Variants in E4F1 observed in about 807,000 individuals in gnomAD.
E4F1 encodes the protein transcription factor E4F1.
A neutral mutation model predicts 72.9 loss-of-function variants in E4F1; 30 were observed. The ratio of observed to expected loss-of-function variants is 0.41; its 90% CI spans 0.31 to 0.56. The LOEUF (loss-of-function observed/expected upper bound fraction) is 0.56, where lower values mean the gene tolerates loss of function less well. E4F1 is among the 20% of genes least tolerant of loss of function. The pLI, the probability that E4F1 is intolerant of heterozygous loss-of-function variation, is 0.25. For synonymous variants in E4F1, 542 were observed against 478.2 expected, an observed-to-expected ratio of 1.13 and a Z score of -1.74; for missense variants, 1,091 against 1,117.5, an observed-to-expected ratio of 0.98 and a Z score of 0.34.
chr16:2,235,126 G>A lies in E4F1; in HGVS notation c.1981G>A (p.Glu661Lys), dbSNP rs540780876. The A allele has an allele frequency of 6.8e-6, 11 of 1,612,238 alleles. No individual in the cohort carries two copies. The South Asian group carries it at 7.7e-5, about 11-fold the overall frequency. ...GACCAGTGAGGCCACGGAGATCATC[G>A]AGGGCACCCAGACAGAGGTGAGGGG... is the stretch of plus-strand genomic sequence containing the variant. ...AETSEATEIIEGTQTEVDSHI... is the reference protein window; with the variant it reads ...AETSEATEIIKGTQTEVDSHI... The change falls in exon 13 of 14, where the codon GAG becomes AAG. Residue 661 changes from glutamate (E) to lysine (K), a missense_variant. This residue lies in a region of E4F1 where 622 missense variants were observed against 628.0 expected (regional missense o/e 0.99). Transcript: ENST00000301727.
rs767493337 is a variant in E4F1 at position 2,233,988 on chromosome 16, C to T, written c.1373C>T (p.Thr458Ile). ...CTGGAGGCCCACAAGAGGGGCCACA[C>T]CGGTAGGTGATGGGTGGGTGTGTGG... ...ATLEAHKRGH[T>I]GPRPFACAQC... is the part of the protein sequence containing the mutation. The change falls in exon 9 of 14, where the codon ACC becomes ATC. Residue 458 changes from threonine (T) to isoleucine (I), a missense_variant and splice_region_variant. Transcript: ENST00000301727. The T allele has an allele frequency of 4.5e-5, 71 of 1,587,792 alleles. No individual in the cohort carries two copies. Among genetic ancestry groups the T allele is most frequent in the Non-Finnish European group, 6.0e-5 (70 of 1,167,122 alleles).
chr16:2,228,789 G>T (rs1334019475), intron 2 of E4F1, among the ~76,000 whole-genome samples: 1 of 152,216 alleles, frequency 6.6e-6, no homozygotes, highest in South Asian at 2.1e-4. Flanking sequence ...TTCTTTCTTG[G>T]AGCTGGAGGG....
intron 3 of E4F1, chr16:2,230,373 T>C: frequency 6.7e-6 from 1 of 150,270 alleles, no homozygotes; most frequent in Non-Finnish European, 1.5e-5. Context: ...AGCCAGGGCC[T>C]GGGCAGGTTG....
chr16:2,234,554 C>T, intron 10 of E4F1, 29 bp from the exon 11 acceptor site: 1 of 1,560,906 alleles, frequency 6.4e-7, no homozygotes, highest in Non-Finnish European at 8.7e-7. Context: ...TGGCCAAGGC[C>T]AGGCTGGCAC....
intron 9 of E4F1, 57 bp from the exon 10 acceptor site, chr16:2,234,114 G>A: frequency 6.3e-7 from 1 of 1,588,698 alleles, no homozygotes; most frequent in African/African-American, 1.3e-5. Context: ...GCAGGTGGCA[G>A]GCGGCCTGGC....
chr16:2,228,514 G>T lies in E4F1; in HGVS notation c.300G>T (p.Leu100=), dbSNP rs371822192. 3.1e-4 allele frequency: 500 copies of T among 1,612,308 alleles called. 1 individual carries two copies. The highest frequency in any genetic ancestry group is 4.1e-4 in the Non-Finnish European group (485 of 1,179,592). The change falls in exon 2 of 14, where the codon CTG becomes CTT. Residue 100 remains leucine, a synonymous_variant. Transcript: ENST00000301727. Reference sequence around the variant, plus strand: ...CCACCCCTGCCACCACAGCGTTGCTGGGCCAGGAGGTGAGCCCTCACCCAC... The same window carrying T: ...CCACCCCTGCCACCACAGCGTTGCTTGGCCAGGAGGTGAGCCCTCACCCAC... ...LPATPATTAL[L]GQEVVPAAPG... is the part of the protein sequence containing the mutation.
At chr16:2,231,834 T>A in intron 3 of E4F1, 1 of 294,030 alleles carries the variant, frequency 3.4e-6, no homozygotes, top group Non-Finnish European at 6.4e-6. Flanking sequence ...GGCTGTCTCT[T>A]CACCCAAGGA....
rs750767205 is a variant in E4F1, at chr16:2,233,030, C to T, written c.903C>T (p.Ala301=). 72 of 1,607,622 alleles carry T rather than the reference C, an allele frequency of 4.5e-5. 1 individual carries two copies. Among genetic ancestry groups the T allele is most frequent in the South Asian group, 4.3e-4 (39 of 90,952 alleles). Residue 301 remains alanine, a synonymous_variant, in exon 7 of 14, where the codon GCC becomes GCT. Coordinates refer to ENST00000301727, the MANE Select transcript of E4F1 (RefSeq NM_004424.5). ...DARAGSGAGA[A]GLGTATSSVT... ...TTGAAGGTTCTGGAGCTGGAGCTGC[C>T]GGCTTGGGGACAGCCACATCATCGG...
rs142130361 is a variant in E4F1 at position 2,235,313 on chromosome 16, C to T, written c.2096C>T (p.Thr699Met). The change falls in exon 14 of 14, where the codon ACG becomes ATG. Residue 699 changes from threonine to methionine, a missense_variant. Coordinates refer to ENST00000301727, the MANE Select transcript of E4F1 (RefSeq NM_004424.5). ...IVQNVTMDEETALGPEAAAAD... is the reference protein window; with the variant it reads ...IVQNVTMDEEMALGPEAAAAD... The stretch of plus-strand genomic sequence containing the variant: ...CAGAACGTCACCATGGACGAGGAGA[C>T]GGCGCTGGGCCCAGAGGCGGCTGCC... 7.1e-5 allele frequency: 114 copies of T among 1,610,774 alleles called. No individual in the cohort carries two copies. Among genetic ancestry groups the T allele is most frequent in the Admixed American group, 2.0e-4 (12 of 60,006 alleles).
In E4F1 at chr16:2,234,998, C is replaced by G. The variant is rs374373444; in HGVS notation, c.1932C>G (p.Ile644Met). 1 of 1,610,794 alleles carries G rather than the reference C, an allele frequency of 6.2e-7. No homozygotes were observed. Among genetic ancestry groups the G allele is most frequent in the Non-Finnish European group, 8.5e-7 (1 of 1,179,094 alleles). Residue 644 changes from isoleucine to methionine, a missense_variant, in exon 12 of 14, where the codon ATC becomes ATG. Ile to Met is a conservative substitution (Grantham distance 10). Transcript: ENST00000301727. ...SVVADTQEYI[I>M]EATADDAETS... ...TAGCTGACACCCAGGAGTATATCAT[C>G]GAGGTGGGTGTGGGGCCCTGGGGCC...
intron 1 of E4F1, among the ~76,000 whole-genome samples, chr16:2,227,708 T>C (rs2141441267): frequency 6.6e-6 from 1 of 152,176 alleles, no homozygotes; most frequent in African/African-American, 2.4e-5. Flanking sequence ...ACCATATTGG[T>C]CAGGCTGGTC....
Position 2,235,410 on chromosome 16 carries a change from C to A in E4F1, c.2193C>A (p.Ile731=), listed in dbSNP as rs753476220. The A allele has an allele frequency of 4.3e-6, 7 of 1,612,140 alleles. No homozygotes were observed. The highest frequency in any genetic ancestry group is 1.7e-4 in the Middle Eastern group (1 of 6,060). ...TGGCCATGACGCTGGCCTCGGCCAT[C>A]AGCGAGGGCACTGTGCTTGCCGCCC... ...EQVAMTLASA[I]SEGTVLAARA... The change falls in exon 14 of 14, where the codon ATC becomes ATA. Residue 731 remains isoleucine, a synonymous_variant. Transcript: ENST00000301727.
chr16:2,228,631 G>A (rs1481637278), intron 2 of E4F1, 108 bp downstream of exon 2: 5 of 1,383,082 alleles, frequency 3.6e-6, no homozygotes, highest in Non-Finnish European at 4.9e-6. Flanking sequence ...GGCCACGTGG[G>A]CGGGCAGAGG....
At chr16:2,224,081 A>G (rs995666758) in intron 1 of E4F1, among the ~76,000 whole-genome samples, 1 of 152,200 alleles carries the variant, frequency 6.6e-6, no homozygotes, top group Admixed American at 6.5e-5. Flanking sequence ...TCTGCCTCCG[A>G]TGCCTGAGCC....
chr16:2,233,752 C>T, intron 8 of E4F1, 105 bp downstream of exon 8: 1 of 1,433,512 alleles, frequency 7.0e-7, no homozygotes, highest in Non-Finnish European at 9.4e-7. Context: ...GTGACTTTGT[C>T]CATTGATCTG....
chr16:2,229,453 C>A, intron 2 of E4F1, 117 bp from the exon 3 acceptor site: 1 of 1,081,126 alleles, frequency 9.2e-7, no homozygotes, highest in Non-Finnish European at 1.4e-6. Flanking sequence ...TGGACCCAGG[C>A]CTGAGCACCA....
At chr16:2,233,853 G>C in intron 8 of E4F1, 29 bp from the exon 9 acceptor site, 6 of 1,546,786 alleles carry the variant, frequency 3.9e-6, no homozygotes, top group Non-Finnish European at 5.2e-6. Context: ...CCTGCCCCGG[G>C]TGCTGGAGAC....
chr16:2,227,744 AC>A (rs1478872196), intron 1 of E4F1, among the ~76,000 whole-genome samples: 1 of 150,176 alleles, frequency 6.7e-6, no homozygotes, highest in Non-Finnish European at 1.5e-5. Flanking sequence ...CAGGTGATAC[AC>A]CTGTCTCAGC....
intron 2 of E4F1, among the ~76,000 whole-genome samples, 154 bp downstream of exon 2, chr16:2,228,677 G>A (rs992161584): frequency 1.3e-5 from 2 of 152,246 alleles, no homozygotes; most frequent in African/African-American, 2.4e-5. Flanking sequence ...GGGTCCGGGT[G>A]TGTGAGCCTG....
Sources: gnomAD v4.1 joint callset for allele counts (sites outside exome capture counted in the v4.1 genomes callset) on GRCh38, gnomAD v4.1.1 for gene constraint, gnomAD v4.1.1 regional missense constraint, MANE v1.5 for transcripts, NCBI Gene and HGNC (gene_info 2026-07-23, HGNC 2026-07-21) for gene names.